Variants in CHSY3 observed in about 807,000 individuals in gnomAD.
The protein encoded by CHSY3 is chondroitin sulfate synthase 3.
A neutral mutation model predicts 67.2 loss-of-function variants in CHSY3; 35 were observed. The ratio of observed to expected loss-of-function variants is 0.52; its 90% CI spans 0.40 to 0.69. The LOEUF (loss-of-function observed/expected upper bound fraction) is 0.69. Ranked by LOEUF, CHSY3 falls within the 30% of genes least tolerant of loss-of-function variation. CHSY3 has a pLI of 0.00. For missense variants in CHSY3, 1,069 were observed against 1,138.5 expected, an observed-to-expected ratio of 0.94 and a Z score of 0.88; for synonymous variants, 474 against 434.7, an observed-to-expected ratio of 1.09 and a Z score of -1.12.
At chr5:129,955,146 C>T (rs969240038) in intron 2 of CHSY3, among the ~76,000 whole-genome samples, 1 of 152,136 alleles carries the variant, frequency 6.6e-6, no homozygotes, top group African/African-American at 2.4e-5. Context: ...GGATTACAGG[C>T]GTGAGCCACT....
intron 2 of CHSY3, among the ~76,000 whole-genome samples, chr5:129,951,040 A>G (rs1315760165): frequency 1.3e-5 from 2 of 152,206 alleles, no homozygotes; most frequent in South Asian, 2.1e-4. Context: ...GCATAAAAGC[A>G]TACACAAAGA....
intron 2 of CHSY3, among the ~76,000 whole-genome samples, chr5:130,081,559 T>TGG (rs1293752901): frequency 6.6e-6 from 1 of 152,028 alleles, no homozygotes; most frequent in Non-Finnish European, 1.5e-5. Flanking sequence ...AATCCACTCC[T>TGG]GAATTGTGGC....
At chr5:130,068,859 G>T (rs1219749954) in intron 2 of CHSY3, among the ~76,000 whole-genome samples, 1 of 152,062 alleles carries the variant, frequency 6.6e-6, no homozygotes, top group East Asian at 1.9e-4. Context: ...AAGCAAATTT[G>T]TCAAGGAAAG....
At chr5:130,172,849 A>G (rs1368423687) in intron 2 of CHSY3, among the ~76,000 whole-genome samples, 2 of 152,172 alleles carry the variant, frequency 1.3e-5, no homozygotes. Flanking sequence ...GGAATCATAG[A>G]GTATTTGTCG....
At chr5:129,972,957 CAGAT>C (rs1371011889) in intron 2 of CHSY3, among the ~76,000 whole-genome samples, 2 of 152,102 alleles carry the variant, frequency 1.3e-5, no homozygotes, top group East Asian at 3.9e-4. Context: ...CTTTAGCCCA[CAGAT>C]AGAGTCTTGT....
chr5:130,107,569 C>T (rs1478363281), intron 2 of CHSY3, among the ~76,000 whole-genome samples: 1 of 151,480 alleles, frequency 6.6e-6, no homozygotes, highest in Non-Finnish European at 1.5e-5. Context: ...TTTATACATA[C>T]ATATACCACT....
intron 2 of CHSY3, chr5:130,141,907 T>C: frequency 4.3e-6 from 1 of 233,694 alleles, no homozygotes; most frequent in South Asian, 5.2e-5. Context: ...TGGAGCTCCC[T>C]CTGCTGGAGC....
chr5:130,045,413 C>T lies in CHSY3; in HGVS notation c.1086+137053C>T, dbSNP rs1765117160. Among the ~76,000 whole-genome samples the T allele has an allele frequency of 1.3e-5, 2 of 151,904 alleles. 1 individual carries two copies. Among genetic ancestry groups the T allele is most frequent in the South Asian group, 4.1e-4 (2 of 4,820 alleles). On this transcript the variant is annotated intron_variant, in intron 2 of 2. Coordinates refer to ENST00000305031, the MANE Select transcript of CHSY3 (RefSeq NM_175856.5). Reference sequence around the variant, plus strand: ...CATAGACATGGGCTTCTGGCAGTAACAAAGTGTTTAGAATGGAGTGGAGAT... The same window carrying T: ...CATAGACATGGGCTTCTGGCAGTAATAAAGTGTTTAGAATGGAGTGGAGAT...
At chr5:130,031,528 A>G (rs1764703931) in intron 2 of CHSY3, among the ~76,000 whole-genome samples, 1 of 152,154 alleles carries the variant, frequency 6.6e-6, no homozygotes, top group Non-Finnish European at 1.5e-5. Flanking sequence ...CCATGTGGCA[A>G]CATTGCTTTG....
chr5:130,131,037 C>T lies in CHSY3; in HGVS notation c.1087-53192C>T, dbSNP rs527674935. On this transcript the variant is annotated intron_variant, in intron 2 of 2. Coordinates refer to ENST00000305031, the MANE Select transcript of CHSY3 (RefSeq NM_175856.5). Reference sequence around the variant, plus strand: ...CTCCACACATCTTCCTAAGGAATATCATTTACTCTCACCACTTGTATAGCC... The same window carrying T: ...CTCCACACATCTTCCTAAGGAATATTATTTACTCTCACCACTTGTATAGCC... 8.5e-5 allele frequency among the ~76,000 whole-genome samples: 13 copies of T among 152,254 alleles called. No homozygotes were observed. The South Asian group carries it at 2.5e-3, about 29-fold the overall frequency.
intron 2 of CHSY3, among the ~76,000 whole-genome samples, chr5:129,997,666 C>T (rs1221114702): frequency 6.6e-6 from 1 of 151,976 alleles, no homozygotes; most frequent in Non-Finnish European, 1.5e-5. Flanking sequence ...CAGCCTCCCA[C>T]CCCCCAACAG....
chr5:129,905,181 C>T lies in CHSY3; in HGVS notation c.352C>T (p.Pro118Ser). 6.6e-7 allele frequency: 1 copy of T among 1,522,158 alleles called. No homozygotes were observed. Among genetic ancestry groups the T allele is most frequent in the Non-Finnish European group, 8.8e-7 (1 of 1,141,424 alleles). The allele number at this position is 1,522,158 out of a possible 1,614,324, so 94.3% of individuals were successfully genotyped here. The change falls in exon 1 of 3, where the codon CCT becomes TCT. Residue 118 changes from proline (P) to serine (S), a missense_variant. By Grantham distance (74) the Pro-to-Ser change is moderately conservative. Coordinates refer to ENST00000305031, the MANE Select transcript of CHSY3 (RefSeq NM_175856.5). ...PLQQRRRGRE[P>S]EGATGLPGAP... is the part of the protein sequence containing the mutation. ...GCAGCAGCGGCGGCGAGGACGCGAG[C>T]CTGAGGGCGCGACGGGGCTTCCCGG...
Position 129,920,447 on chromosome 5 carries a change from T to C in CHSY3, c.1086+12087T>C, listed in dbSNP as rs181475537. 9.8e-4 allele frequency among the ~76,000 whole-genome samples: 150 copies of C among 152,296 alleles called. 1 individual carries two copies. Among genetic ancestry groups the C allele is most frequent in the Admixed American group, 4.8e-3 (73 of 15,302 alleles). ...TTTTGGTAGAGATGGGATTTTGCCA[T>C]GTTGGCCAGACTGGTCTTGAGCTCC... On this transcript the variant is annotated intron_variant, in intron 2 of 2. Coordinates refer to ENST00000305031, the MANE Select transcript of CHSY3 (RefSeq NM_175856.5).
intron 2 of CHSY3, among the ~76,000 whole-genome samples, chr5:130,011,379 G>T (rs1431048988): frequency 6.6e-6 from 1 of 152,068 alleles, no homozygotes; most frequent in East Asian, 1.9e-4. Flanking sequence ...ACACCACGTG[G>T]TCATCCCAAT....
chr5:130,061,669 A>G (rs1220024691), intron 2 of CHSY3, among the ~76,000 whole-genome samples: 3 of 152,104 alleles, frequency 2.0e-5, no homozygotes, highest in Non-Finnish European at 4.4e-5. Context: ...ACAAAAGACA[A>G]ATGTCCAGAA....
At chr5:130,013,583 A>G (rs957223496) in intron 2 of CHSY3, among the ~76,000 whole-genome samples, 5 of 152,158 alleles carry the variant, frequency 3.3e-5, no homozygotes, top group African/African-American at 1.2e-4. Flanking sequence ...CACACTCTGA[A>G]ACAATGGCCC....
At chr5:130,157,553 T>G (rs1769406485) in intron 2 of CHSY3, among the ~76,000 whole-genome samples, 1 of 152,186 alleles carries the variant, frequency 6.6e-6, no homozygotes. Context: ...GATTTTCGTT[T>G]AGTAGAGAAA....
At chr5:129,948,625 C>T (rs780624084) in intron 2 of CHSY3, among the ~76,000 whole-genome samples, 50 of 152,118 alleles carry the variant, frequency 3.3e-4, no homozygotes, top group Non-Finnish European at 5.0e-4. Flanking sequence ...TTTTTAATTG[C>T]GAATTGTGCT....
At chr5:129,910,440 G>A (rs1463028855) in intron 2 of CHSY3, among the ~76,000 whole-genome samples, 1 of 151,698 alleles carries the variant, frequency 6.6e-6, no homozygotes, top group Non-Finnish European at 1.5e-5. Context: ...ACTTTGTATT[G>A]GGATTTCAGT....
Sources: gnomAD v4.1 joint callset for allele counts (sites outside exome capture counted in the v4.1 genomes callset) on GRCh38, gnomAD v4.1.1 for gene constraint, MANE v1.5 for transcripts, NCBI Gene and HGNC (gene_info 2026-07-23, HGNC 2026-07-21) for gene names.